Variants in ADO observed in about 807,000 individuals in gnomAD.
ADO encodes 2-aminoethanethiol dioxygenase.
ADO carries 9 observed loss-of-function variants against 16.6 expected under a neutral mutation model. That is an observed-to-expected ratio of 0.54 (90% CI 0.33 to 0.95). ADO has a LOEUF of 0.95. Among genes scored for constraint, ADO ranks in the 40% least tolerant of loss-of-function variants. The pLI, the probability that ADO is intolerant of heterozygous loss-of-function variation, is 0.03. For synonymous variants in ADO, 189 were observed against 179.6 expected (o/e 1.05, Z -0.42); for missense variants, 356 against 386.4 (o/e 0.92, Z 0.66).
rs1357185521 is a variant in ADO, at chr10:62,806,547, A to G, written c.*675A>G. On this transcript the variant is annotated 3_prime_UTR_variant, in exon 1 of 1. Transcript: ENST00000373783. ...CTGGTTTACTCAGGCAGCATCTACT[A>G]AGAAATTCAGCACCTGCATATCTCT... is the stretch of plus-strand genomic sequence containing the variant. The G allele has an allele frequency of 6.0e-6, 1 of 167,286 alleles. No homozygotes were observed. The highest frequency in any genetic ancestry group is 2.4e-5 in the African/African-American group (1 of 41,476). The allele number at this position is 167,286 out of a possible 1,614,324, so 10.4% of individuals were successfully genotyped here.
In ADO at chr10:62,805,184, C is replaced by G. The variant is rs1351103583; in HGVS notation, c.125C>G (p.Pro42Arg). 6.2e-7 allele frequency: 1 copy of G among 1,600,648 alleles called. No individual in the cohort carries two copies. Among genetic ancestry groups the G allele is most frequent in the Non-Finnish European group, 8.5e-7 (1 of 1,176,904 alleles). The change falls in exon 1 of 1, where the codon CCG (proline) becomes CGG (arginine). Residue 42 changes from proline to arginine, a missense_variant. Physicochemically the swap from Pro to Arg is moderately radical, Grantham distance 103. Coordinates refer to ENST00000373783, the MANE Select transcript of ADO (RefSeq NM_032804.6). This position sits in a 1 kb window ranked among gnomAD's most constrained non-coding sequence, Gnocchi z 6.4. ...DRDAASGPEA[P>R]MQPGFPENLS... ...GACGCGGCTTCTGGCCCGGAGGCGC[C>G]GATGCAGCCGGGCTTCCCCGAGAAC... is the stretch of plus-strand genomic sequence containing the variant.
chr10:62,805,743 G>A lies in ADO; in HGVS notation c.684G>A (p.Pro228=), dbSNP rs769529311. Residue 228 remains proline, a synonymous_variant, in exon 1 of 1, where the codon CCG becomes CCA. Transcript: ENST00000373783. The surrounding 1 kb of genome is among the most constrained non-coding windows in gnomAD (Gnocchi z 6.4). The stretch of plus-strand genomic sequence containing the variant: ...GCCACTATTACCGGGTGCTGGAGCC[G>A]GTCAGGCCCAAGGAGGCCTCCAGCT... The part of the protein sequence containing the change: ...RDCHYYRVLE[P]VRPKEASSSA... The A allele has an allele frequency of 1.2e-6, 2 of 1,609,010 alleles. No individual in the cohort carries two copies. The highest frequency in any genetic ancestry group is 1.7e-6 in the Non-Finnish European group (2 of 1,178,338).
At position 62,805,922 on chromosome 10, in the gene ADO, A is replaced by C; in HGVS notation, c.*50A>C. On this transcript the variant is annotated 3_prime_UTR_variant, in exon 1 of 1. Coordinates refer to ENST00000373783, the MANE Select transcript of ADO (RefSeq NM_032804.6). The surrounding 1 kb of genome is among the most constrained non-coding windows in gnomAD (Gnocchi z 6.4). The stretch of plus-strand genomic sequence containing the variant: ...GGCCGAAGACGTGCCCTACCCTACC[A>C]CAAGGGCTGTGTCTCTACCCCCTAG... The C allele has an allele frequency of 7.1e-7, 1 of 1,413,896 alleles. No homozygotes were observed. 87.6% of individuals were successfully genotyped at this position (1,413,896 alleles called of 1,614,324 possible).
In ADO at chr10:62,808,020, AAAG is replaced by A. The variant is rs1208288655; in HGVS notation, c.*2152_*2154del. 7 of 167,148 alleles carry A rather than the reference AAAG, an allele frequency of 4.2e-5. No individual in the cohort carries two copies. The highest frequency in any genetic ancestry group is 7.2e-5 in the African/African-American group (3 of 41,476). 10.4% of individuals were successfully genotyped at this position (167,148 alleles called of 1,614,324 possible). On this transcript the variant is annotated 3_prime_UTR_variant, in exon 1 of 1. Transcript: ENST00000373783. ...AAGAATTATGACTTCATTATGAAAA[AAAG>A]AAGTTTTAAAGTTTTCAATTACGAG... is the stretch of plus-strand genomic sequence containing the variant.
chr10:62,805,123 C>T lies in ADO; in HGVS notation c.64C>T (p.Arg22Trp), dbSNP rs1285215304. The change falls in exon 1 of 1, where the codon CGG becomes TGG. Residue 22 changes from arginine (R) to tryptophan (W), a missense_variant. Arg to Trp is a moderately radical substitution (Grantham distance 101, BLOSUM62 -3). Transcript: ENST00000373783. This position sits in a 1 kb window ranked among gnomAD's most constrained non-coding sequence, Gnocchi z 6.4. ...CGCCCGCCAGGCTTGCCTCACCTTCCGGGGCAGCGGGGGCGGCCGCGGCGC... is the reference window on the plus strand; with the variant it reads ...CGCCCGCCAGGCTTGCCTCACCTTCTGGGGCAGCGGGGGCGGCCGCGGCGC... Reference protein sequence around the residue: ...RIARQACLTFRGSGGGRGASD... With the variant: ...RIARQACLTFWGSGGGRGASD... The T allele has an allele frequency of 1.3e-6, 2 of 1,556,388 alleles. No individual in the cohort carries two copies. Among genetic ancestry groups the T allele is most frequent in the African/African-American group, 1.4e-5 (1 of 72,614 alleles).
chr10:62,805,851 A>T lies in ADO; in HGVS notation c.792A>T (p.Pro264=). ...DDFWCEGEPY[P]GPKVFP is the part of the protein sequence containing the mutation. Reference sequence around the variant, plus strand: ...TCTGGTGCGAGGGAGAACCCTATCCAGGTCCCAAGGTCTTCCCTTGAAGCC... The same window carrying T: ...TCTGGTGCGAGGGAGAACCCTATCCTGGTCCCAAGGTCTTCCCTTGAAGCC... The change falls in exon 1 of 1, where the codon CCA becomes CCT. Residue 264 remains proline (P), a synonymous_variant. Transcript: ENST00000373783. This position sits in a 1 kb window ranked among gnomAD's most constrained non-coding sequence, Gnocchi z 6.4. 1 of 1,520,690 alleles carries T rather than the reference A, an allele frequency of 6.6e-7. No individual in the cohort carries two copies. Among genetic ancestry groups the T allele is most frequent in the East Asian group, 2.4e-5 (1 of 40,868 alleles). The allele number at this position is 1,520,690 out of a possible 1,614,324, so 94.2% of individuals were successfully genotyped here.
At position 62,805,470 on chromosome 10, in the gene ADO, C is replaced by CGCGGGCG; in HGVS notation, c.418_424dup (p.Gln142ArgfsTer101). The CGCGGGCG allele has an allele frequency of 6.5e-7, 1 of 1,541,346 alleles. No homozygotes were observed. Among genetic ancestry groups the CGCGGGCG allele is most frequent in the Non-Finnish European group, 8.7e-7 (1 of 1,146,970 alleles). ...GCATCAGCTGCATGGACAAGCTAGA[C>CGCGGGCG]GCGGGCGGCGGGCAACGGCCGCGGG... On this transcript the variant is annotated frameshift_variant, in exon 1 of 1. Transcript: ENST00000373783. LOFTEE classifies it high-confidence loss of function. This position sits in a 1 kb window ranked among gnomAD's most constrained non-coding sequence, Gnocchi z 6.4.
rs1014440114 is a variant in ADO, at chr10:62,804,736, T to A, written c.-324T>A. On this transcript the variant is annotated 5_prime_UTR_variant, in exon 1 of 1. Transcript: ENST00000373783. ...AGGGTCCCCGGGCGCCCGGCCACCG[T>A]CGTAGGTGCGGGCCGCATGAATGGA... 5.1e-6 allele frequency: 1 copy of A among 194,962 alleles called. No homozygotes were observed. Among genetic ancestry groups the A allele is most frequent in the Non-Finnish European group, 1.0e-5 (1 of 96,410 alleles). 12.1% of individuals were successfully genotyped at this position (194,962 alleles called of 1,614,324 possible).
Position 62,806,164 on chromosome 10 carries a change from A to G in ADO, c.*292A>G. 2.9e-6 allele frequency: 1 copy of G among 349,728 alleles called. No homozygotes were observed. The highest frequency in any genetic ancestry group is 5.4e-6 in the Non-Finnish European group (1 of 186,294). 21.7% of individuals were successfully genotyped at this position (349,728 alleles called of 1,614,324 possible). Reference sequence around the variant, plus strand: ...CGCTTCCATCCTAAAGCCATAATGAAAATATCTTCCTCTCTTCCCCATTCT... The same window carrying G: ...CGCTTCCATCCTAAAGCCATAATGAGAATATCTTCCTCTCTTCCCCATTCT... On this transcript the variant is annotated 3_prime_UTR_variant, in exon 1 of 1. Transcript: ENST00000373783.
At position 62,806,533 on chromosome 10, in the gene ADO, AG is replaced by A. The variant is rs1475171635; in HGVS notation, c.*663del. 6.0e-6 allele frequency: 1 copy of A among 167,282 alleles called. No individual in the cohort carries two copies. The highest frequency in any genetic ancestry group is 1.9e-4 in the East Asian group (1 of 5,344). 10.4% of individuals were successfully genotyped at this position (167,282 alleles called of 1,614,324 possible). A position where few individuals can be genotyped will look rare whatever the true frequency, so the allele number is the denominator to read the frequency against. ...CCCAGTAGCCACATCTGGTTTACTC[AG>A]GCAGCATCTACTAAGAAATTCAGCA... On this transcript the variant is annotated 3_prime_UTR_variant, in exon 1 of 1. Transcript: ENST00000373783.
Position 62,806,710 on chromosome 10 carries a change from T to C in ADO, c.*838T>C, listed in dbSNP as rs535072571. On this transcript the variant is annotated 3_prime_UTR_variant, in exon 1 of 1. Coordinates refer to ENST00000373783, the MANE Select transcript of ADO (RefSeq NM_032804.6). ...ACTTTTTTTCTTGTCTTACTGTACC[T>C]TAAAAGGTGATAGAGTAATTCTGTA... is the stretch of plus-strand genomic sequence containing the variant. The C allele has an allele frequency of 6.0e-6, 1 of 167,312 alleles. No homozygotes were observed. Among genetic ancestry groups the C allele is most frequent in the African/African-American group, 2.4e-5 (1 of 41,588 alleles). The allele number at this position is 167,312 out of a possible 1,614,324, so 10.4% of individuals were successfully genotyped here.
At position 62,807,712 on chromosome 10, in the gene ADO, CT is replaced by C. The variant is rs1307162689; in HGVS notation, c.*1843del. 4 of 167,218 alleles carry C rather than the reference CT, an allele frequency of 2.4e-5. No individual in the cohort carries two copies. The highest frequency in any genetic ancestry group is 9.6e-5 in the African/African-American group (4 of 41,518). The allele number at this position is 167,218 out of a possible 1,614,324, so 10.4% of individuals were successfully genotyped here. A position where few individuals can be genotyped will look rare whatever the true frequency, so the allele number is the denominator to read the frequency against. ...CACATTCTGGTGTAGTTTAAAATGC[CT>C]TTGGGGGCAGTTTGAAGCAGTTCTT... On this transcript the variant is annotated 3_prime_UTR_variant, in exon 1 of 1. Transcript: ENST00000373783.
rs1842060269 is a variant in ADO, at chr10:62,806,955, G to A, written c.*1083G>A. On this transcript the variant is annotated 3_prime_UTR_variant, in exon 1 of 1. Transcript: ENST00000373783. Reference sequence around the variant, plus strand: ...TTCCAGCTGTGTTGCTGGCAGTGTTGTCTCAACCCTCTCCCTAAAATGACT... The same window carrying A: ...TTCCAGCTGTGTTGCTGGCAGTGTTATCTCAACCCTCTCCCTAAAATGACT... 1 of 167,186 alleles carries A rather than the reference G, an allele frequency of 6.0e-6. No individual in the cohort carries two copies. Among genetic ancestry groups the A allele is most frequent in the Non-Finnish European group, 1.5e-5 (1 of 68,116 alleles). The allele number at this position is 167,186 out of a possible 1,614,324, so 10.4% of individuals were successfully genotyped here.
Position 62,806,003 on chromosome 10 carries a change from A to C in ADO, c.*131A>C. ...CAGCCGCTTCCTCGGCAGCCTTGGG[A>C]AGCACGGGCGACTGGACAGCAGCCG... On this transcript the variant is annotated 3_prime_UTR_variant, in exon 1 of 1. Transcript: ENST00000373783. The C allele has an allele frequency of 1.7e-6, 1 of 580,776 alleles. No homozygotes were observed. Among genetic ancestry groups the C allele is most frequent in the Non-Finnish European group, 2.3e-6 (1 of 429,348 alleles). The allele number at this position is 580,776 out of a possible 1,614,324, so 36.0% of individuals were successfully genotyped here.
chr10:62,805,122 C>T lies in ADO; in HGVS notation c.63C>T (p.Phe21=). 6.4e-7 allele frequency: 1 copy of T among 1,556,864 alleles called. No homozygotes were observed. The highest frequency in any genetic ancestry group is 1.2e-5 in the South Asian group (1 of 82,874). The change falls in exon 1 of 1, where the codon TTC becomes TTT. Residue 21 remains phenylalanine (F), a synonymous_variant. Transcript: ENST00000373783. This position sits in a 1 kb window ranked among gnomAD's most constrained non-coding sequence, Gnocchi z 6.4. ...QRIARQACLT[F]RGSGGGRGAS... ...TCGCCCGCCAGGCTTGCCTCACCTT[C>T]CGGGGCAGCGGGGGCGGCCGCGGCG...
chr10:62,805,833 C>A lies in ADO; in HGVS notation c.774C>A (p.Cys258Ter), dbSNP rs995921586. ...CCCCACAGGCCGATGACTTCTGGTG[C>A]GAGGGAGAACCCTATCCAGGTCCCA... ...LETPQADDFW[C>*]EGEPYPGPKV... The change falls in exon 1 of 1, where the codon TGC (cysteine) becomes TGA (stop). Residue 258 changes from cysteine (C) to a stop codon, truncating the protein, a stop_gained. Coordinates refer to ENST00000373783, the MANE Select transcript of ADO (RefSeq NM_032804.6). LOFTEE classifies it high-confidence loss of function. This position sits in a 1 kb window ranked among gnomAD's most constrained non-coding sequence, Gnocchi z 6.4. 6.4e-7 allele frequency: 1 copy of A among 1,560,546 alleles called. No individual in the cohort carries two copies. The highest frequency in any genetic ancestry group is 8.7e-7 in the Non-Finnish European group (1 of 1,152,904).
chr10:62,805,625 G>A lies in ADO; in HGVS notation c.566G>A (p.Arg189Gln). Residue 189 changes from arginine (R) to glutamine (Q), a missense_variant, in exon 1 of 1, where the codon CGG becomes CAG. By Grantham distance (43) the Arg-to-Gln change is conservative (BLOSUM62 1). Coordinates refer to ENST00000373783, the MANE Select transcript of ADO (RefSeq NM_032804.6). This position sits in a 1 kb window ranked among gnomAD's most constrained non-coding sequence, Gnocchi z 6.4. Reference protein sequence around the residue: ...ASGPCILTPHRDNLHQIDAVE... With the variant: ...ASGPCILTPHQDNLHQIDAVE... ...GGCCCCTGCATCCTCACACCGCACC[G>A]GGACAACCTGCACCAGATCGACGCC... 1 of 1,605,914 alleles carries A rather than the reference G, an allele frequency of 6.2e-7. No homozygotes were observed. The highest frequency in any genetic ancestry group is 1.1e-5 in the South Asian group (1 of 89,458).
rs1049412007 is a variant in ADO, at chr10:62,807,157, A to G, written c.*1285A>G. On this transcript the variant is annotated 3_prime_UTR_variant, in exon 1 of 1. Coordinates refer to ENST00000373783, the MANE Select transcript of ADO (RefSeq NM_032804.6). ...CTGAAATGAAGTCTTGCTATCTGTG[A>G]CTAGTTTTATTTTTGTGCTTTTAAT... 6.0e-6 allele frequency: 1 copy of G among 167,190 alleles called. No individual in the cohort carries two copies. Among genetic ancestry groups the G allele is most frequent in the African/African-American group, 2.4e-5 (1 of 41,442 alleles). 10.4% of individuals were successfully genotyped at this position (167,190 alleles called of 1,614,324 possible).
chr10:62,805,539 G>A lies in ADO; in HGVS notation c.480G>A (p.Arg160=). The A allele has an allele frequency of 1.3e-6, 2 of 1,548,336 alleles. No individual in the cohort carries two copies. The highest frequency in any genetic ancestry group is 2.0e-5 in the Admixed American group (1 of 51,090). Residue 160 remains arginine, a synonymous_variant, in exon 1 of 1, where the codon CGG becomes CGA. Transcript: ENST00000373783. The surrounding 1 kb of genome is among the most constrained non-coding windows in gnomAD (Gnocchi z 6.4). ...EQQFEPPLQP[R]EREAVRPGVL... is the part of the protein sequence containing the mutation. ...AGTTCGAGCCGCCGCTGCAGCCCCG[G>A]GAGCGAGAAGCCGTGCGGCCGGGCG...
Sources: gnomAD v4.1 joint callset for allele counts on GRCh38, gnomAD v4.1.1 for gene constraint, Gnocchi (gnomAD v3.1) non-coding constraint, MANE v1.5 for transcripts, NCBI Gene and HGNC (gene_info 2026-07-23, HGNC 2026-07-21) for gene names.